Variants in ERC2 observed in about 807,000 individuals in gnomAD.
ERC2 encodes the protein ELKS/RAB6-interacting/CAST family member 2, also known as ERC protein 2.
In ERC2, 42 loss-of-function variants were observed where a neutral mutation model predicts 114.8. That is an observed-to-expected ratio of 0.37 (90% CI 0.29 to 0.47). The LOEUF is 0.47. Among genes scored for constraint, ERC2 ranks in the 20% least tolerant of loss-of-function variants. The pLI is 0.99. For missense variants in ERC2, 939 were observed against 1,150.7 expected, an observed-to-expected ratio of 0.82 and a Z score of 2.66; for synonymous variants, 454 against 425.5, an observed-to-expected ratio of 1.07 and a Z score of -0.82.
At chr3:55,920,165 G>T (rs1050622143) in intron 13 of ERC2, among the ~76,000 whole-genome samples, 3 of 151,930 alleles carry the variant, frequency 2.0e-5, no homozygotes, top group Non-Finnish European at 2.9e-5. Flanking sequence ...TCAGGATGGA[G>T]TAAAATATTT....
At chr3:55,703,138 C>T (rs1373013496) in intron 15 of ERC2, among the ~76,000 whole-genome samples, 1 of 152,220 alleles carries the variant, frequency 6.6e-6, no homozygotes, top group Non-Finnish European at 1.5e-5. Context: ...GCTGCACTCT[C>T]ACCTCCCATT....
intron 14 of ERC2, among the ~76,000 whole-genome samples, chr3:55,861,262 G>C (rs1194190542): frequency 1.3e-5 from 2 of 152,178 alleles, no homozygotes; most frequent in African/African-American, 4.8e-5. Context: ...TCCACTCCTC[G>C]GATGAGATTC....
intron 17 of ERC2, among the ~76,000 whole-genome samples, chr3:55,575,397 A>C (rs929488270): frequency 1.3e-5 from 2 of 152,152 alleles, no homozygotes; most frequent in Non-Finnish European, 2.9e-5. Flanking sequence ...AATACAGTGG[A>C]TAAATGGGGT....
chr3:56,360,979 T>C (rs1411514470), intron 2 of ERC2, among the ~76,000 whole-genome samples: 1 of 151,994 alleles, frequency 6.6e-6, no homozygotes, highest in Non-Finnish European at 1.5e-5. Context: ...GGGCATCCAC[T>C]ATTGGGGTAG....
intron 17 of ERC2, among the ~76,000 whole-genome samples, chr3:55,568,261 T>C (rs1007853367): frequency 9.9e-5 from 15 of 152,106 alleles, no homozygotes; most frequent in African/African-American, 3.4e-4. Flanking sequence ...AGCCCACGGG[T>C]TGGATCAGTG....
At chr3:56,017,664 C>A (rs1441896770) in intron 8 of ERC2, among the ~76,000 whole-genome samples, 2 of 152,180 alleles carry the variant, frequency 1.3e-5, no homozygotes, top group Non-Finnish European at 2.9e-5. Flanking sequence ...TCCTACCTGG[C>A]CATTCTACTC....
At chr3:56,139,903 C>T (rs2080750647) in intron 5 of ERC2, among the ~76,000 whole-genome samples, 1 of 152,146 alleles carries the variant, frequency 6.6e-6, no homozygotes, top group Admixed American at 6.5e-5. Context: ...ATGGAAAGGT[C>T]AGCAGACTGC....
chr3:56,441,560 T>C (rs2062308329), intron 1 of ERC2, among the ~76,000 whole-genome samples: 1 of 152,246 alleles, frequency 6.6e-6, no homozygotes, highest in Non-Finnish European at 1.5e-5. Flanking sequence ...AATGTTCCGT[T>C]TGAGCAATAT....
intron 10 of ERC2, among the ~76,000 whole-genome samples, chr3:55,994,086 T>C (rs999299134): frequency 6.6e-6 from 1 of 152,190 alleles, no homozygotes; most frequent in African/African-American, 2.4e-5. Flanking sequence ...AAAAACTTCG[T>C]GTTAACCTCT....
At chr3:56,298,975 C>T (rs556717772) in intron 2 of ERC2, among the ~76,000 whole-genome samples, 10 of 152,084 alleles carry the variant, frequency 6.6e-5, no homozygotes, top group East Asian at 1.9e-4. Flanking sequence ...CAGGAGTATC[C>T]GCAGCCTTCA....
chr3:55,794,459 G>A (rs767376265), intron 14 of ERC2, among the ~76,000 whole-genome samples: 33 of 152,056 alleles, frequency 2.2e-4, no homozygotes, highest in Non-Finnish European at 4.6e-4. Context: ...CATGTTTTAT[G>A]TGTCCATGTG....
intron 17 of ERC2, among the ~76,000 whole-genome samples, chr3:55,591,141 T>C (rs1255033489): frequency 6.6e-6 from 1 of 151,858 alleles, no homozygotes; most frequent in Admixed American, 6.6e-5. Context: ...CTCCATAACT[T>C]TAAGGGGTAG....
At chr3:55,849,028 A>G (rs1413590282) in intron 14 of ERC2, among the ~76,000 whole-genome samples, 1 of 152,176 alleles carries the variant, frequency 6.6e-6, no homozygotes, top group Admixed American at 6.5e-5. Flanking sequence ...AAACAGAGAC[A>G]GTGCCTGCCA....
At chr3:55,879,209 G>A (rs1350415) in intron 14 of ERC2, among the ~76,000 whole-genome samples, 28,488 of 148,972 alleles carry the variant, frequency 0.19, 3,242 homozygotes, top group African/African-American at 0.29. Flanking sequence ...CATTTATTTA[G>A]TGGAATTACA....
intron 2 of ERC2, among the ~76,000 whole-genome samples, chr3:56,340,397 G>T (rs2058038938): frequency 6.6e-6 from 1 of 152,042 alleles, no homozygotes; most frequent in South Asian, 2.1e-4. Flanking sequence ...ACCTCAGCAG[G>T]GTATCAAAAT....
At chr3:55,775,406 C>T (rs948576561) in intron 14 of ERC2, among the ~76,000 whole-genome samples, 2 of 151,940 alleles carry the variant, frequency 1.3e-5, no homozygotes, top group Admixed American at 1.3e-4. Flanking sequence ...GTTGTGCATG[C>T]CTGTGGTTCG....
intron 1 of ERC2, among the ~76,000 whole-genome samples, chr3:56,458,606 C>A (rs1289560888): frequency 6.6e-6 from 1 of 152,126 alleles, no homozygotes; most frequent in Non-Finnish European, 1.5e-5. Context: ...TTGTATCCAC[C>A]CAGCATCAAA....
At chr3:55,546,839 A>G (rs886280848) in intron 17 of ERC2, among the ~76,000 whole-genome samples, 25 of 152,226 alleles carry the variant, frequency 1.6e-4, no homozygotes, top group African/African-American at 6.0e-4. Flanking sequence ...TATGTGGGAA[A>G]CGAGGAGTTT....
At chr3:55,714,221 T>G (rs2063947559) in intron 15 of ERC2, among the ~76,000 whole-genome samples, 2 of 152,186 alleles carry the variant, frequency 1.3e-5, no homozygotes, top group East Asian at 3.8e-4. Context: ...TCATCCACTG[T>G]TGGCAGGATT....
Sources: gnomAD v4.1 joint callset for allele counts (sites outside exome capture counted in the v4.1 genomes callset) on GRCh38, gnomAD v4.1.1 for gene constraint, MANE v1.5 for transcripts, NCBI Gene and HGNC (gene_info 2026-07-23, HGNC 2026-07-21) for gene names.